The following ARHGAP42 variants were observed in gnomAD, a reference collection of about 807,000 sequenced individuals.
The protein encoded by ARHGAP42 is rho GTPase-activating protein 42.
Under a neutral mutation model 125.0 loss-of-function variants are expected in ARHGAP42, and 63 were observed. The ratio of observed to expected loss-of-function variants is 0.50; its 90% CI spans 0.41 to 0.62. The LOEUF is 0.62. ARHGAP42 is among the 20% of genes least tolerant of loss of function. The pLI is 0.00. For missense variants in ARHGAP42, 766 were observed against 1,024.2 expected (o/e 0.75, Z 3.44); for synonymous variants, 339 against 351.0 (o/e 0.97, Z 0.38).
At chr11:100,895,706 T>G (rs1484265394) in intron 4 of ARHGAP42, among the ~76,000 whole-genome samples, 1 of 152,064 alleles carries the variant, frequency 6.6e-6, no homozygotes, top group Non-Finnish European at 1.5e-5. Context: ...GATGGAAACT[T>G]AGTCACATGC....
chr11:100,903,137 A>ACGCGCACACACACACACACT (rs1866604207), intron 4 of ARHGAP42, among the ~76,000 whole-genome samples: 1 of 151,504 alleles, frequency 6.6e-6, no homozygotes, highest in African/African-American at 2.4e-5. Flanking sequence ...ACACACACAC[A>ACGCGCACACACACACACACT]CACACACACA....
At chr11:100,710,783 C>T (rs1414775115) in intron 1 of ARHGAP42, among the ~76,000 whole-genome samples, 1 of 152,144 alleles carries the variant, frequency 6.6e-6, no homozygotes, top group Non-Finnish European at 1.5e-5. Flanking sequence ...TTGTGATCTG[C>T]CCGCCTCGGT....
intron 12 of ARHGAP42, among the ~76,000 whole-genome samples, chr11:100,955,380 T>C (rs970844860): frequency 6.6e-6 from 1 of 152,254 alleles, no homozygotes; most frequent in Non-Finnish European, 1.5e-5. Context: ...AATTTGGTAG[T>C]AGTTGTATTC....
intron 5 of ARHGAP42, among the ~76,000 whole-genome samples, chr11:100,919,001 A>G (rs1461146967): frequency 2.0e-5 from 3 of 152,200 alleles, no homozygotes; most frequent in African/African-American, 7.2e-5. Flanking sequence ...CTCAGCATAT[A>G]GTCATACTCG....
At chr11:100,872,381 T>C (rs1865717166) in intron 4 of ARHGAP42, among the ~76,000 whole-genome samples, 1 of 152,070 alleles carries the variant, frequency 6.6e-6, no homozygotes, top group Non-Finnish European at 1.5e-5. Context: ...TCCAAATTAA[T>C]GAGTTTTTGT....
chr11:100,737,695 A>G (rs1862096435), intron 1 of ARHGAP42, among the ~76,000 whole-genome samples: 1 of 152,204 alleles, frequency 6.6e-6, no homozygotes, highest in African/African-American at 2.4e-5. Context: ...TTGCCCTTGA[A>G]TAGATGCTGA....
chr11:100,987,401 C>T, intron 22 of ARHGAP42, 112 bp from the exon 23 acceptor site: 1 of 854,094 alleles, frequency 1.2e-6, no homozygotes, highest in Non-Finnish European at 1.9e-6. Context: ...ACTTTATGTA[C>T]ATTATGTTCC....
At chr11:100,798,945 T>C (rs1169151019) in intron 3 of ARHGAP42, among the ~76,000 whole-genome samples, 1 of 152,202 alleles carries the variant, frequency 6.6e-6, no homozygotes, top group Non-Finnish European at 1.5e-5. Context: ...AAGTAGGTCG[T>C]GGCAGTTGTA....
intron 2 of ARHGAP42, 55 bp downstream of exon 2, chr11:100,770,493 A>T: frequency 8.5e-7 from 1 of 1,174,942 alleles, no homozygotes; most frequent in Non-Finnish European, 1.2e-6. Context: ...TACTGAAATC[A>T]AATAGACACA....
At chr11:100,986,218 T>C (rs1236633063) in intron 22 of ARHGAP42, 6 of 399,184 alleles carry the variant, frequency 1.5e-5, no homozygotes, top group Non-Finnish European at 9.9e-6. Flanking sequence ...GAAGATATGA[T>C]AGTTCCCTGG....
chr11:100,991,293 A>T lies in ARHGAP42; in HGVS notation c.*2492A>T, dbSNP rs1278117893. 6.6e-6 allele frequency: 1 copy of T among 152,210 alleles called. No individual in the cohort carries two copies. Among genetic ancestry groups the T allele is most frequent in the Non-Finnish European group, 1.5e-5 (1 of 68,028 alleles). 9.4% of individuals were successfully genotyped at this position (152,210 alleles called of 1,614,324 possible). On this transcript the variant is annotated 3_prime_UTR_variant, in exon 24 of 24. Transcript: ENST00000298815. ...ATTTATGAGCACTGAGAAAGTCAGG[A>T]CATGTACTCTAAATCACACAGAATG...
intron 3 of ARHGAP42, among the ~76,000 whole-genome samples, chr11:100,800,906 C>T (rs1863835785): frequency 6.6e-6 from 1 of 152,190 alleles, no homozygotes; most frequent in Non-Finnish European, 1.5e-5. Context: ...GTTAACACTT[C>T]AGTCATATGA....
rs373059302 is a variant in ARHGAP42 at position 100,837,666 on chromosome 11, C to CTTT, written c.313-21859_313-21857dup. On this transcript the variant is annotated intron_variant, in intron 3 of 23. Coordinates refer to ENST00000298815, the MANE Select transcript of ARHGAP42 (RefSeq NM_152432.4). ...CAGTTCCCAGAATCTAGGTGTCATC[C>CTTT]TTTTTTTTTTTTTTTTTTTTTTTTT... Among the ~76,000 whole-genome samples, 38 of 61,046 alleles carry CTTT rather than the reference C, an allele frequency of 6.2e-4. 4 individuals are homozygous for CTTT. The highest frequency in any genetic ancestry group is 1.6e-3 in the African/African-American group (23 of 14,190). The allele number at this position is 61,046 out of a possible 152,430, so 40.0% of individuals were successfully genotyped here.
intron 4 of ARHGAP42, among the ~76,000 whole-genome samples, chr11:100,902,527 A>G (rs576898942): frequency 6.6e-6 from 1 of 152,246 alleles, no homozygotes; most frequent in South Asian, 2.1e-4. Context: ...CTCAATAAAG[A>G]TGTTAACTTT....
intron 7 of ARHGAP42, 118 bp from the exon 8 acceptor site, chr11:100,936,085 G>C: frequency 7.9e-7 from 1 of 1,263,068 alleles, no homozygotes; most frequent in Non-Finnish European, 1.1e-6. Context: ...ATTGCACCTG[G>C]TTGACAGAGT....
At chr11:100,871,790 C>G (rs1865702667) in intron 4 of ARHGAP42, among the ~76,000 whole-genome samples, 1 of 152,154 alleles carries the variant, frequency 6.6e-6, no homozygotes, top group African/African-American at 2.4e-5. Flanking sequence ...GTTGCCCAGG[C>G]TGGAGTGCAA....
At chr11:100,859,295 T>G (rs1250446598) in intron 3 of ARHGAP42, 3 of 347,468 alleles carry the variant, frequency 8.6e-6, no homozygotes, top group Non-Finnish European at 1.0e-5. Flanking sequence ...AGAAGAAATT[T>G]AAGTATTCAA....
chr11:100,911,559 C>T (rs950511962), intron 4 of ARHGAP42, among the ~76,000 whole-genome samples: 5 of 151,956 alleles, frequency 3.3e-5, no homozygotes, highest in African/African-American at 1.2e-4. Flanking sequence ...AAAAAAGGAT[C>T]ATGGATAGGG....
In ARHGAP42 at chr11:100,782,850, C is replaced by T. The variant is rs768520241; in HGVS notation, c.251-12255C>T. On this transcript the variant is annotated intron_variant, in intron 2 of 23. Transcript: ENST00000298815. The stretch of plus-strand genomic sequence containing the variant: ...CTGCCATTGAAATACACATGAACTT[C>T]AAGTAAGGAAGTAAAGATGATCCTT... Among the ~76,000 whole-genome samples the T allele has an allele frequency of 2.0e-5, 3 of 152,138 alleles. 1 individual carries two copies. Among genetic ancestry groups the T allele is most frequent in the Non-Finnish European group, 1.5e-5 (1 of 68,030 alleles).
Sources: allele counts gnomAD v4.1 joint callset (sites outside exome capture counted in the v4.1 genomes callset), GRCh38; gene constraint gnomAD v4.1.1; transcripts MANE v1.5; gene names NCBI Gene and HGNC (gene_info 2026-07-23, HGNC 2026-07-21).